The following PLEKHA5 variants were observed in gnomAD, a reference collection of about 807,000 sequenced individuals.
PLEKHA5 encodes pleckstrin homology domain containing A5, also known as pleckstrin homology domain-containing family A member 5.
In PLEKHA5, 55 loss-of-function variants were observed where a neutral mutation model predicts 181.9. That is an observed-to-expected ratio of 0.30 (90% CI 0.24 to 0.38). PLEKHA5 has a LOEUF of 0.38. Ranked by LOEUF, PLEKHA5 falls within the 10% of genes least tolerant of loss-of-function variation. PLEKHA5 has a pLI of 1.00. For missense variants in PLEKHA5, 1,432 were observed against 1,549.5 expected, an observed-to-expected ratio of 0.92 and a Z score of 1.27; for synonymous variants, 535 against 529.4, an observed-to-expected ratio of 1.01 and a Z score of -0.15.
chr12:19,310,800 T>C (rs1019292758), intron 15 of PLEKHA5, among the ~76,000 whole-genome samples: 1 of 152,104 alleles, frequency 6.6e-6, no homozygotes, highest in African/African-American at 2.4e-5. Context: ...TTTTTTGGTT[T>C]CCCAGTGCCT....
chr12:19,358,202 T>C (rs1349775688), intron 26 of PLEKHA5, 26 bp from the exon 27 acceptor site: 1 of 1,491,688 alleles, frequency 6.7e-7, no homozygotes, highest in East Asian at 2.3e-5. Context: ...CATTTATGTA[T>C]TGATATGTTC....
intron 3 of PLEKHA5, chr12:19,149,531 A>G (rs2039865041): frequency 6.6e-6 from 1 of 151,404 alleles, no homozygotes; most frequent in Non-Finnish European, 1.5e-5. Context: ...AAAGAAAAGA[A>G]AAAAAAACTC....
At chr12:19,331,529 A>G (rs994858619) in intron 20 of PLEKHA5, among the ~76,000 whole-genome samples, 6 of 152,170 alleles carry the variant, frequency 3.9e-5, no homozygotes, top group Non-Finnish European at 5.9e-5. Flanking sequence ...AATAAAGGAC[A>G]TAGTATATAT....
intron 3 of PLEKHA5, 145 bp from the exon 4 acceptor site, chr12:19,253,795 G>A: frequency 1.6e-6 from 1 of 630,692 alleles, no homozygotes; most frequent in Non-Finnish European, 2.8e-6. Flanking sequence ...ACTCCAACCT[G>A]GGCGACAAGA....
chr12:19,287,853 C>T (rs1447892273), intron 13 of PLEKHA5, among the ~76,000 whole-genome samples: 4 of 151,944 alleles, frequency 2.6e-5, no homozygotes, highest in Admixed American at 6.6e-5. Flanking sequence ...CCAAGGCAGG[C>T]GGATCGCTTG....
intron 10 of PLEKHA5, among the ~76,000 whole-genome samples, chr12:19,273,172 G>A (rs546667555): frequency 6.6e-6 from 1 of 152,262 alleles, no homozygotes; most frequent in South Asian, 2.1e-4. Flanking sequence ...GCCTCCCAAA[G>A]TGCTGGGATT....
chr12:19,359,791 G>A (rs949180678), intron 28 of PLEKHA5, among the ~76,000 whole-genome samples: 2 of 150,716 alleles, frequency 1.3e-5, no homozygotes, highest in Non-Finnish European at 3.0e-5. Context: ...GTAAAACCCC[G>A]TCTCTACTAA....
At chr12:19,184,671 A>G (rs1228304987) in intron 3 of PLEKHA5, among the ~76,000 whole-genome samples, 1 of 152,308 alleles carries the variant, frequency 6.6e-6, no homozygotes, top group East Asian at 1.9e-4. Flanking sequence ...ATTTTGTTGA[A>G]GAGAATAAGT....
chr12:19,274,183 CT>C (rs545203275), intron 10 of PLEKHA5, among the ~76,000 whole-genome samples: 403 of 152,354 alleles, frequency 2.6e-3, no homozygotes, highest in African/African-American at 9.2e-3. Flanking sequence ...GGACTATCTA[CT>C]GTGGTCCTTT....
At chr12:19,251,746 A>G (rs2065373097) in intron 3 of PLEKHA5, among the ~76,000 whole-genome samples, 1 of 147,750 alleles carries the variant, frequency 6.8e-6, no homozygotes, top group African/African-American at 2.6e-5. Flanking sequence ...ATCCAAAAAA[A>G]AAAAAAAAAA....
intron 3 of PLEKHA5, among the ~76,000 whole-genome samples, chr12:19,144,446 T>G (rs185643442): frequency 1.3e-5 from 2 of 152,188 alleles, no homozygotes; most frequent in South Asian, 4.1e-4. Context: ...CTAAGAGGAA[T>G]TATCCTAGGA....
At chr12:19,281,838 CT>C (rs2076238690) in intron 11 of PLEKHA5, among the ~76,000 whole-genome samples, 2 of 151,892 alleles carry the variant, frequency 1.3e-5, no homozygotes, top group Admixed American at 1.3e-4. Context: ...CTGGAGTGCA[CT>C]GGCGCGATCT....
At chr12:19,200,733 C>T in intron 3 of PLEKHA5, 1 of 941,234 alleles carries the variant, frequency 1.1e-6, no homozygotes, top group Non-Finnish European at 1.3e-6. Flanking sequence ...GACAGAGGTA[C>T]CCAAGGAATT....
intron 3 of PLEKHA5, among the ~76,000 whole-genome samples, chr12:19,241,894 G>C (rs2062688868): frequency 6.6e-6 from 1 of 151,926 alleles, no homozygotes; most frequent in Non-Finnish European, 1.5e-5. Flanking sequence ...CTTAATTCTT[G>C]AATACTTGGC....
At chr12:19,325,204 C>G (rs1319193208) in intron 20 of PLEKHA5, among the ~76,000 whole-genome samples, 3 of 151,672 alleles carry the variant, frequency 2.0e-5, no homozygotes, top group Non-Finnish European at 4.4e-5. Context: ...CCAAACTGGG[C>G]AATTTAGGGA....
chr12:19,339,658 T>C (rs916579456), intron 21 of PLEKHA5, among the ~76,000 whole-genome samples: 7 of 151,862 alleles, frequency 4.6e-5, no homozygotes, highest in Non-Finnish European at 5.9e-5. Flanking sequence ...ATTTTTAAGG[T>C]ATAATAAAAA....
intron 3 of PLEKHA5, among the ~76,000 whole-genome samples, chr12:19,217,120 T>A (rs1023534762): frequency 3.9e-5 from 6 of 152,256 alleles, no homozygotes; most frequent in African/African-American, 7.2e-5. Context: ...GTTGTAATTA[T>A]GATTTTTAAA....
chr12:19,267,236 G>C (rs1260693023), intron 8 of PLEKHA5, among the ~76,000 whole-genome samples: 2 of 152,124 alleles, frequency 1.3e-5, no homozygotes, highest in African/African-American at 2.4e-5. Context: ...GAGAAAAGAG[G>C]GGGGAAGTGC....
chr12:19,303,355 C>T (rs1182166135), intron 15 of PLEKHA5: 1 of 152,094 alleles, frequency 6.6e-6, no homozygotes, highest in East Asian at 1.9e-4. Context: ...CTCTTTTCCC[C>T]CTCCCCAAAT....
Sources: allele counts gnomAD v4.1 joint callset (sites outside exome capture counted in the v4.1 genomes callset), GRCh38; gene constraint gnomAD v4.1.1; transcripts MANE v1.5; gene names NCBI Gene and HGNC (gene_info 2026-07-23, HGNC 2026-07-21).